The following SP140 variants were observed in gnomAD, a reference collection of about 807,000 sequenced individuals.
The protein encoded by SP140 is nuclear body protein SP140.
SP140 carries 81 observed loss-of-function variants against 125.0 expected under a neutral mutation model. The ratio of observed to expected loss-of-function variants is 0.65; its 90% confidence interval spans 0.54 to 0.78. The LOEUF (loss-of-function observed/expected upper bound fraction) is 0.78. Ranked by LOEUF, SP140 falls within the 30% of genes least tolerant of loss-of-function variation. The pLI is 0.00. For synonymous variants in SP140, 312 were observed against 354.0 expected (o/e 0.88, Z 1.33); for missense variants, 858 against 1,037.0 (o/e 0.83, Z 2.37).
intron 22 of SP140, among the ~76,000 whole-genome samples, chr2:230,302,742 C>T (rs981340759): frequency 2.6e-5 from 4 of 151,894 alleles, no homozygotes; most frequent in African/African-American, 9.7e-5. Context: ...AATTGGAAAT[C>T]AGCTCCAAAA....
Position 230,250,993 on chromosome 2 carries a change from A to G in SP140, c.989A>G (p.Asp330Gly). The stretch of plus-strand genomic sequence containing the variant: ...TTTCTTTCTGCAGAGGGCAGTGATG[A>G]CTGTTCAGAAATGTGTGATGGAGAA... The part of the protein sequence containing the change: ...LPGEGEEGSD[D>G]CSEMCDGEEP... The change falls in exon 10 of 27, where the codon GAC (aspartate) becomes GGC (glycine). Residue 330 changes from aspartate to glycine, a missense_variant. By Grantham distance (94) the Asp-to-Gly change is moderately conservative. Coordinates refer to ENST00000392045, the MANE Select transcript of SP140 (RefSeq NM_007237.5). 6.2e-7 allele frequency: 1 copy of G among 1,613,808 alleles called. No homozygotes were observed. Among genetic ancestry groups the G allele is most frequent in the South Asian group, 1.1e-5 (1 of 91,068 alleles).
At chr2:230,270,151 T>C (rs543002785) in intron 14 of SP140, among the ~76,000 whole-genome samples, 198 bp downstream of exon 14, 257 of 152,308 alleles carry the variant, frequency 1.7e-3, no homozygotes, top group Non-Finnish European at 3.0e-3. Context: ...TGATTAGACA[T>C]AGATGATGTC....
At chr2:230,236,255 G>A (rs886866023) in intron 1 of SP140, among the ~76,000 whole-genome samples, 8 of 152,088 alleles carry the variant, frequency 5.3e-5, no homozygotes, top group African/African-American at 1.4e-4. Context: ...CCCTCCTTTT[G>A]CAGTTACAGA....
Position 230,267,471 on chromosome 2 carries a change from G to A in SP140, c.1241-2061G>A, listed in dbSNP as rs185823184. On this transcript the variant is annotated intron_variant, in intron 12 of 26. Coordinates refer to ENST00000392045, the MANE Select transcript of SP140 (RefSeq NM_007237.5). The stretch of plus-strand genomic sequence containing the variant: ...AATGGTCTGAAAGTAATAGATTACT[G>A]GTTGAGATGTGGAAACATTCAGTGA... Among the ~76,000 whole-genome samples, 9 of 152,308 alleles carry A rather than the reference G, an allele frequency of 5.9e-5. No homozygotes were observed. In the East Asian group the frequency reaches 1.7e-3, roughly 29 times the overall value.
intron 1 of SP140, among the ~76,000 whole-genome samples, chr2:230,203,885 T>C (rs1288098921): frequency 1.3e-5 from 2 of 152,186 alleles, no homozygotes; most frequent in East Asian, 3.8e-4. Flanking sequence ...GTTTTAGTTT[T>C]ACAAGATAAA....
At chr2:230,288,517 CTTTCTTTT>C (rs1170512501) in intron 18 of SP140, among the ~76,000 whole-genome samples, 2 of 69,848 alleles carry the variant, frequency 2.9e-5, no homozygotes, top group African/African-American at 1.0e-4. Flanking sequence ...TTCTTTCTTT[CTTTCTTTT>C]TTTATTCTTT....
At chr2:230,262,862 C>T (rs766653441) in intron 12 of SP140, among the ~76,000 whole-genome samples, 2 of 151,952 alleles carry the variant, frequency 1.3e-5, no homozygotes, top group Non-Finnish European at 2.9e-5. Flanking sequence ...TATTGAGGCT[C>T]GTTTTATGGC....
chr2:230,245,484 A>G (rs756057369), intron 6 of SP140, among the ~76,000 whole-genome samples: 2 of 152,230 alleles, frequency 1.3e-5, no homozygotes, highest in Non-Finnish European at 2.9e-5. Flanking sequence ...TGGAAGTGAC[A>G]AAGTTAGAAG....
At chr2:230,233,936 A>G (rs1376157564) in intron 1 of SP140, among the ~76,000 whole-genome samples, 7 of 152,234 alleles carry the variant, frequency 4.6e-5, no homozygotes, top group Non-Finnish European at 5.9e-5. Context: ...TTACTTGGTG[A>G]CACCTGAAAG....
At chr2:230,210,028 T>A (rs1478998157) in intron 1 of SP140, 1 of 1,446,064 alleles carries the variant, frequency 6.9e-7, no homozygotes, top group South Asian at 1.1e-5. Context: ...GAAATATAAG[T>A]CATTTCAGAG....
intron 15 of SP140, among the ~76,000 whole-genome samples, chr2:230,271,736 G>C (rs948852808): frequency 6.6e-6 from 1 of 152,170 alleles, no homozygotes; most frequent in Admixed American, 6.5e-5. Flanking sequence ...ATCAAGTCTT[G>C]ATGATTTAGA....
chr2:230,291,591 T>C (rs1396042369), intron 19 of SP140, among the ~76,000 whole-genome samples: 1 of 152,368 alleles, frequency 6.6e-6, no homozygotes, highest in South Asian at 2.1e-4. Context: ...ATGAATGTAT[T>C]AGTATTTCAT....
chr2:230,274,612 C>A (rs1294072630), intron 15 of SP140, among the ~76,000 whole-genome samples: 2 of 151,988 alleles, frequency 1.3e-5, no homozygotes, highest in African/African-American at 4.8e-5. Context: ...TATGAGACCA[C>A]AAATCTGTGA....
At chr2:230,200,101 A>C (rs1356031865), upstream of SP140, among the ~76,000 whole-genome samples, 1 of 152,226 alleles carries the variant, frequency 6.6e-6, no homozygotes, top group Non-Finnish European at 1.5e-5. Context: ...AGCCAGTGCA[A>C]TATAGGAGAA....
chr2:230,240,280 C>CA (rs1218661207), intron 3 of SP140, among the ~76,000 whole-genome samples: 1 of 151,464 alleles, frequency 6.6e-6, no homozygotes, highest in South Asian at 2.1e-4. Context: ...ATACAGGACA[C>CA]AAAAAAACAT....
At chr2:230,219,458 T>G (rs2045592307) in intron 3 of SP140, 1 of 152,210 alleles carries the variant, frequency 6.6e-6, no homozygotes, top group South Asian at 2.1e-4. Flanking sequence ...AAGGAAATAA[T>G]CATGTATTTA....
intron 22 of SP140, among the ~76,000 whole-genome samples, chr2:230,297,965 C>T (rs1046300860): frequency 6.6e-6 from 1 of 152,206 alleles, no homozygotes; most frequent in Admixed American, 6.5e-5. Context: ...TTGATCCTGT[C>T]ATTAGCCCTG....
intron 23 of SP140, 71 bp from the exon 24 acceptor site, chr2:230,310,672 A>G: frequency 8.0e-7 from 1 of 1,255,136 alleles, no homozygotes; most frequent in Non-Finnish European, 1.1e-6. Flanking sequence ...GAAGGAAGAC[A>G]GTGGTAGCCA....
At chr2:230,279,987 T>A (rs2055289331) in intron 15 of SP140, among the ~76,000 whole-genome samples, 1 of 152,086 alleles carries the variant, frequency 6.6e-6, no homozygotes, top group South Asian at 2.1e-4. Flanking sequence ...TTCTGCCCCT[T>A]GAGAATAATG....
Sources: allele counts gnomAD v4.1 joint callset (sites outside exome capture counted in the v4.1 genomes callset), GRCh38; gene constraint gnomAD v4.1.1; transcripts MANE v1.5; gene names NCBI Gene and HGNC (gene_info 2026-07-23, HGNC 2026-07-21).